The following TBC1D13 variants were observed in gnomAD, a reference collection of about 807,000 sequenced individuals.
The protein encoded by TBC1D13 is TBC1 domain family member 13.
Under a neutral mutation model 53.6 loss-of-function variants are expected in TBC1D13, and 40 were observed. The observed-to-expected ratio is 0.75, with a 90% confidence interval of 0.58 to 0.97. The LOEUF is 0.97. Ranked by LOEUF, TBC1D13 falls within the 50% of genes least tolerant of loss-of-function variation. The pLI is 0.00. For synonymous variants in TBC1D13, 182 were observed against 197.7 expected (o/e 0.92, Z 0.67); for missense variants, 377 against 499.4 (o/e 0.75, Z 2.34).
At position 128,797,066 on chromosome 9, in the gene TBC1D13, C is replaced by G. The variant is rs1242145017; in HGVS notation, c.395C>G (p.Pro132Arg). The G allele has an allele frequency of 6.2e-7, 1 of 1,613,992 alleles. No homozygotes were observed. Among genetic ancestry groups the G allele is most frequent in the South Asian group, 1.1e-5 (1 of 91,082 alleles). ...TTCCCTCTTGACAGGAGGTTGTGCC[C>G]AGACATTTCCTTCTTCCAGAGGGCC... ...QIDKDVRRLC[P>R]DISFFQRATD... The change falls in exon 7 of 12, where the codon CCA becomes CGA. Residue 132 changes from proline (P) to arginine (R), a missense_variant. By Grantham distance (103) the Pro-to-Arg change is moderately radical (BLOSUM62 -2). Transcript: ENST00000372648.
intron 10 of TBC1D13, 76 bp downstream of exon 10, chr9:128,806,095 C>G (rs558699933): frequency 1.9e-6 from 3 of 1,585,836 alleles, no homozygotes; most frequent in Non-Finnish European, 2.6e-6. Flanking sequence ...CCCTCCGCCC[C>G]GAAGGGTGGG....
intron 5 of TBC1D13, among the ~76,000 whole-genome samples, chr9:128,792,251 G>A (rs191844498): frequency 6.6e-6 from 1 of 152,358 alleles, no homozygotes. Context: ...TCCCTGCCCA[G>A]CAGAGAAGTC....
Position 128,808,408 on chromosome 9 carries a change from CGTGTGTGT to C in TBC1D13, c.*570_*577del, listed in dbSNP as rs3138859. ...GGCCCAAGTCCCCAGGCATCTTCTC[CGTGTGTGT>C]GTGTGTGTGTGTGTGTGTGTGTGTG... On this transcript the variant is annotated 3_prime_UTR_variant, in exon 12 of 12. Coordinates refer to ENST00000372648, the MANE Select transcript of TBC1D13 (RefSeq NM_018201.5). The C allele has an allele frequency of 8.0e-4, 97 of 121,800 alleles. No homozygotes were observed. Among genetic ancestry groups the C allele is most frequent in the East Asian group, 3.2e-3 (13 of 4,126 alleles). 7.5% of individuals were successfully genotyped at this position (121,800 alleles called of 1,614,324 possible).
Position 128,806,284 on chromosome 9 carries a change from C to T in TBC1D13, c.1110C>T (p.Asp370=), listed in dbSNP as rs375616934. Residue 370 remains aspartate, a synonymous_variant, in exon 11 of 12, where the codon GAC becomes GAT. Transcript: ENST00000372648. ...TCCGGGAGCAGTTGCTGGAAGGGGA[C>T]TTCACTGTGAATATGCGGCTGCTGC... is the stretch of plus-strand genomic sequence containing the variant. ...MLIREQLLEG[D]FTVNMRLLQD... The T allele has an allele frequency of 5.0e-6, 8 of 1,614,056 alleles. No individual in the cohort carries two copies. In the African/African-American group the frequency reaches 8.0e-5, roughly 16 times the overall value.
At chr9:128,788,300 C>T (rs1192799837) in intron 1 of TBC1D13, 34 bp from the exon 2 acceptor site, 1 of 1,602,152 alleles carries the variant, frequency 6.2e-7, no homozygotes. Flanking sequence ...CCGATATCAG[C>T]ATGCTTCATT....
In TBC1D13 at chr9:128,797,231, G is replaced by T. The variant is rs1829647497; in HGVS notation, c.543+17G>T. The T allele has an allele frequency of 6.2e-7, 1 of 1,613,130 alleles. No individual in the cohort carries two copies. Among genetic ancestry groups the T allele is most frequent in the East Asian group, 2.2e-5 (1 of 44,842 alleles). On this transcript the variant is annotated intron_variant, in intron 7 of 11. Coordinates refer to ENST00000372648, the MANE Select transcript of TBC1D13 (RefSeq NM_018201.5). ...GTCACAAATGTGAGTGCCAACCTGGGGTCCCCAGGGACTCCCCCAACAGTA... is the reference window on the plus strand; with the variant it reads ...GTCACAAATGTGAGTGCCAACCTGGTGTCCCCAGGGACTCCCCCAACAGTA...
intron 11 of TBC1D13, among the ~76,000 whole-genome samples, chr9:128,807,597 G>A (rs929782187): frequency 1.3e-5 from 2 of 152,202 alleles, no homozygotes; most frequent in African/African-American, 4.8e-5. Flanking sequence ...AAGAGCCTGG[G>A]AGTGGTTGTG....
At chr9:128,799,336 C>G (rs1829692365) in intron 7 of TBC1D13, among the ~76,000 whole-genome samples, 1 of 152,160 alleles carries the variant, frequency 6.6e-6, no homozygotes, top group Admixed American at 6.6e-5. Flanking sequence ...CGTGATTGGG[C>G]AGTTTGAGTT....
chr9:128,804,734 T>TG (rs1554795976), intron 9 of TBC1D13, among the ~76,000 whole-genome samples: 9,140 of 124,452 alleles, frequency 0.073, 842 homozygotes, highest in African/African-American at 0.24. Flanking sequence ...TTTTTTTTTT[T>TG]TTTTTTTTTT....
At chr9:128,802,045 G>A (rs1186335124) in intron 7 of TBC1D13, among the ~76,000 whole-genome samples, 1 of 145,764 alleles carries the variant, frequency 6.9e-6, no homozygotes, top group African/African-American at 2.5e-5. Flanking sequence ...ACAGGCGTGA[G>A]CCACCGCACC....
intron 2 of TBC1D13, 65 bp downstream of exon 2, chr9:128,788,472 A>G (rs1589564019): frequency 2.8e-6 from 4 of 1,444,732 alleles, no homozygotes; most frequent in South Asian, 1.2e-5. Flanking sequence ...ATACAGGGGG[A>G]GGCCACACCT....
chr9:128,799,061 G>A (rs886242490), intron 7 of TBC1D13, among the ~76,000 whole-genome samples: 2 of 152,166 alleles, frequency 1.3e-5, no homozygotes. Flanking sequence ...AGATATGGCC[G>A]ATCCAGGGTT....
chr9:128,791,527 T>C, intron 4 of TBC1D13, 67 bp from the exon 5 acceptor site: 1 of 1,608,298 alleles, frequency 6.2e-7, no homozygotes, highest in African/African-American at 1.3e-5. Context: ...CTCCTGCGGC[T>C]GCTGCTCTGC....
At chr9:128,787,458 G>A in intron 1 of TBC1D13, 82 bp downstream of exon 1, 2 of 1,232,186 alleles carry the variant, frequency 1.6e-6, no homozygotes, top group Non-Finnish European at 2.1e-6. Flanking sequence ...GGAAGCGCGG[G>A]TGTGGCCAGG....
Position 128,808,913 on chromosome 9 carries a change from G to C in TBC1D13, c.*1034G>C, listed in dbSNP as rs1210863295. 6.6e-6 allele frequency: 1 copy of C among 152,328 alleles called. No individual in the cohort carries two copies. The highest frequency in any genetic ancestry group is 1.9e-4 in the East Asian group (1 of 5,184). The allele number at this position is 152,328 out of a possible 1,614,324, so 9.4% of individuals were successfully genotyped here. ...CTGCCCAGGGAGGGAGAAGGAAGAGGGGGAGCTGGTTTTTCTGGAGGTTCC... is the reference window on the plus strand; with the variant it reads ...CTGCCCAGGGAGGGAGAAGGAAGAGCGGGAGCTGGTTTTTCTGGAGGTTCC... On this transcript the variant is annotated 3_prime_UTR_variant, in exon 12 of 12. Transcript: ENST00000372648.
intron 3 of TBC1D13, 71 bp from the exon 4 acceptor site, chr9:128,791,309 G>C: frequency 7.0e-7 from 1 of 1,432,530 alleles, no homozygotes; most frequent in South Asian, 1.1e-5. Flanking sequence ...CTTGAGGCCT[G>C]TCATCCCCGC....
intron 6 of TBC1D13, 129 bp from the exon 7 acceptor site, chr9:128,796,926 A>G: frequency 1.0e-6 from 1 of 1,002,652 alleles, no homozygotes; most frequent in South Asian, 1.5e-5. Flanking sequence ...ACAGTGCAAG[A>G]CTCCATCTCA....
chr9:128,797,407 T>G (rs1233379198), intron 7 of TBC1D13, among the ~76,000 whole-genome samples, 193 bp downstream of exon 7: 3 of 152,068 alleles, frequency 2.0e-5, no homozygotes, highest in Non-Finnish European at 2.9e-5. Flanking sequence ...CCCATCTGGG[T>G]GTAATGGCTG....
intron 9 of TBC1D13, among the ~76,000 whole-genome samples, chr9:128,804,709 C>CT (rs1171985218): frequency 2.3e-5 from 3 of 132,092 alleles, no homozygotes; most frequent in South Asian, 2.5e-4. Flanking sequence ...GTGCCCAGCC[C>CT]TTTTTTTTCT....
Sources: gnomAD v4.1 joint callset for allele counts (sites outside exome capture counted in the v4.1 genomes callset) on GRCh38, gnomAD v4.1.1 for gene constraint, MANE v1.5 for transcripts, NCBI Gene and HGNC (gene_info 2026-07-23, HGNC 2026-07-21) for gene names.